TBC1D30: variants seen among roughly 807,000 people sequenced by gnomAD.
The protein encoded by TBC1D30 is TBC1 domain family, member 30.
TBC1D30 carries 31 observed loss-of-function variants against 63.2 expected under a neutral mutation model. The ratio of observed to expected loss-of-function variants is 0.49; its 90% CI spans 0.37 to 0.66. The LOEUF is 0.66. Ranked by LOEUF, TBC1D30 falls within the 30% of genes least tolerant of loss-of-function variation. The pLI is 0.00. For synonymous variants in TBC1D30, 307 were observed against 361.5 expected (o/e 0.85, Z 1.71); for missense variants, 810 against 953.6 (o/e 0.85, Z 1.98).
rs540140611 is a variant in TBC1D30, at chr12:64,797,397, C to A, written c.643+11352C>A. Among the ~76,000 whole-genome samples the A allele has an allele frequency of 2.6e-5, 4 of 152,330 alleles. No individual in the cohort carries two copies. In the East Asian group the frequency reaches 5.8e-4, roughly 22 times the overall value. On this transcript the variant is annotated intron_variant, in intron 2 of 12. Transcript: ENST00000542120. Reference sequence around the variant, plus strand: ...TCTGCTTAGAGTTTATGGTCATCAGCATAATGACTCACTTGTGTACATATT... The same window carrying A: ...TCTGCTTAGAGTTTATGGTCATCAGAATAATGACTCACTTGTGTACATATT...
chr12:64,851,446 G>C (rs1279374987), intron 8 of TBC1D30, among the ~76,000 whole-genome samples: 1 of 152,186 alleles, frequency 6.6e-6, no homozygotes, highest in African/African-American at 2.4e-5. Flanking sequence ...TGGGTCTTCT[G>C]AGTACAGCAC....
Position 64,824,737 on chromosome 12 carries a change from C to A in TBC1D30, c.-143C>A. The stretch of plus-strand genomic sequence containing the variant: ...CCCGTAAGTCCCCGTGACCCTCCAG[C>A]ACCAGCCGGCTGTGCGCTCCCTGCT... On this transcript the variant is annotated 5_prime_UTR_variant, in exon 1 of 12. Transcript: ENST00000539867. 2 of 1,202,160 alleles carry A rather than the reference C, an allele frequency of 1.7e-6. No individual in the cohort carries two copies. The highest frequency in any genetic ancestry group is 2.2e-6 in the Non-Finnish European group (2 of 890,882). The allele number at this position is 1,202,160 out of a possible 1,614,324, so 74.5% of individuals were successfully genotyped here.
Position 64,876,021 on chromosome 12 carries a change from G to A in TBC1D30, c.*233G>A. 1 of 466,702 alleles carries A rather than the reference G, an allele frequency of 2.1e-6. No individual in the cohort carries two copies. The highest frequency in any genetic ancestry group is 3.7e-6 in the Non-Finnish European group (1 of 269,184). The allele number at this position is 466,702 out of a possible 1,614,324, so 28.9% of individuals were successfully genotyped here. ...ATTCTTGTGGCAAAATAAATATTGT[G>A]GTTTTATAGTGTGAAGTTTTCCCAA... is the stretch of plus-strand genomic sequence containing the variant. On this transcript the variant is annotated 3_prime_UTR_variant, in exon 12 of 12. Transcript: ENST00000539867.
chr12:64,778,714 C>T (rs994329946), upstream of TBC1D30, among the ~76,000 whole-genome samples: 4 of 151,820 alleles, frequency 2.6e-5, no homozygotes, highest in African/African-American at 7.3e-5. Context: ...TTAGTAGTGA[C>T]GAGGTTTCAC....
intron 6 of TBC1D30, among the ~76,000 whole-genome samples, chr12:64,838,079 A>C (rs745623108): frequency 6.6e-6 from 1 of 152,200 alleles, no homozygotes; most frequent in Non-Finnish European, 1.5e-5. Flanking sequence ...AGGGAGTACT[A>C]TGTTTTTTAA....
chr12:64,765,944 C>T (rs912753681), intron 1 of TBC1D30, among the ~76,000 whole-genome samples: 2 of 152,040 alleles, frequency 1.3e-5, no homozygotes, highest in African/African-American at 4.8e-5. Context: ...CCGGGGAGGT[C>T]CAGGCTGCAG....
chr12:64,769,333 G>T (rs1870822216), intron 1 of TBC1D30, among the ~76,000 whole-genome samples: 1 of 151,658 alleles, frequency 6.6e-6, no homozygotes, highest in Non-Finnish European at 1.5e-5. Flanking sequence ...AGCCTCCTGA[G>T]TAGCTGGGAT....
chr12:64,830,788 A>G (rs562694004), intron 4 of TBC1D30, among the ~76,000 whole-genome samples: 21 of 152,380 alleles, frequency 1.4e-4, no homozygotes, highest in Non-Finnish European at 2.4e-4. Flanking sequence ...TCATGGGTCA[A>G]TGATGCCAAC....
chr12:64,848,335 T>C (rs1401117573), intron 8 of TBC1D30, among the ~76,000 whole-genome samples: 4 of 152,042 alleles, frequency 2.6e-5, no homozygotes, highest in African/African-American at 4.8e-5. Context: ...GCAGGTTTGT[T>C]ACATAGGTAT....
At chr12:64,782,205 G>A (rs1432989148) in intron 1 of TBC1D30, among the ~76,000 whole-genome samples, 1 of 151,646 alleles carries the variant, frequency 6.6e-6, no homozygotes, top group Admixed American at 6.6e-5. Context: ...AACAGATGCC[G>A]AGCCACCATA....
In TBC1D30 at chr12:64,848,793, A is replaced by T. The variant is rs180999497; in HGVS notation, c.1038+5308A>T. 5.1e-4 allele frequency among the ~76,000 whole-genome samples: 78 copies of T among 152,312 alleles called. 1 individual carries two copies. The highest frequency in any genetic ancestry group is 6.8e-3 in the Middle Eastern group (2 of 294). ...ACAATCCTTTGGGTATATACCCAGT[A>T]ATGGGATTGCTGGGTCAAACGGTAT... On this transcript the variant is annotated intron_variant, in intron 8 of 11. Transcript: ENST00000539867.
At chr12:64,838,609 G>A (rs1488202007) in intron 6 of TBC1D30, 74 bp from the exon 7 acceptor site, 3 of 1,402,438 alleles carry the variant, frequency 2.1e-6, no homozygotes, top group Non-Finnish European at 2.9e-6. Flanking sequence ...GGACATGGAA[G>A]ACTAGAAAAG....
At chr12:64,770,711 T>C (rs537559618) in intron 1 of TBC1D30, among the ~76,000 whole-genome samples, 4 of 151,270 alleles carry the variant, frequency 2.6e-5, no homozygotes, top group South Asian at 2.1e-4. Flanking sequence ...TTTTCTTCTT[T>C]TTTTTTTTTT....
chr12:64,857,282 A>G (rs1242769225), intron 8 of TBC1D30, among the ~76,000 whole-genome samples: 3 of 152,118 alleles, frequency 2.0e-5, no homozygotes, highest in African/African-American at 7.2e-5. Flanking sequence ...TTCAGGGTCC[A>G]AGGACTCTTT....
At chr12:64,783,485 A>G (rs923139704) in intron 1 of TBC1D30, among the ~76,000 whole-genome samples, 3 of 152,010 alleles carry the variant, frequency 2.0e-5, no homozygotes, top group African/African-American at 7.2e-5. Context: ...ATTCCTTAGG[A>G]CACTGAGCAC....
At chr12:64,810,241 G>A (rs1402018636) in intron 2 of TBC1D30, among the ~76,000 whole-genome samples, 1 of 152,178 alleles carries the variant, frequency 6.6e-6, no homozygotes, top group Non-Finnish European at 1.5e-5. Context: ...TTCATACGTG[G>A]TCTGTGTTGG....
Position 64,850,748 on chromosome 12 carries a change from G to A in TBC1D30, c.1038+7263G>A, listed in dbSNP as rs141482768. 5.6e-3 allele frequency among the ~76,000 whole-genome samples: 850 copies of A among 152,168 alleles called. 6 individuals carry two copies. The highest frequency in any genetic ancestry group is 0.017 in the Middle Eastern group (5 of 294). ...GCCTGAAATTTTCTTTTTTTGTTGT[G>A]TCTCTGCCAGGTTTTCATATGAGGA... On this transcript the variant is annotated intron_variant, in intron 8 of 11. Coordinates refer to ENST00000539867, the MANE Select transcript of TBC1D30 (RefSeq NM_015279.2).
chr12:64,812,792 T>C (rs974251610), intron 2 of TBC1D30, among the ~76,000 whole-genome samples: 6 of 151,972 alleles, frequency 3.9e-5, no homozygotes, highest in Non-Finnish European at 8.8e-5. Flanking sequence ...GCAAAACCAG[T>C]GGCTACGGAG....
chr12:64,875,865 GTTTTAT>G lies in TBC1D30; in HGVS notation c.*80_*85del. On this transcript the variant is annotated 3_prime_UTR_variant, in exon 12 of 12. Coordinates refer to ENST00000539867, the MANE Select transcript of TBC1D30 (RefSeq NM_015279.2). ...GTTGCAGCTGAATGGCTCTAAAAGA[GTTTTAT>G]TTGTCCAGTGAAAATGAATAGGTTC... The G allele has an allele frequency of 7.3e-7, 1 of 1,372,560 alleles. No individual in the cohort carries two copies. The allele number at this position is 1,372,560 out of a possible 1,614,324, so 85.0% of individuals were successfully genotyped here. A position where few individuals can be genotyped will look rare whatever the true frequency, so the allele number is the denominator to read the frequency against.
Sources: gnomAD v4.1 joint callset for allele counts (sites outside exome capture counted in the v4.1 genomes callset) on GRCh38, gnomAD v4.1.1 for gene constraint, MANE v1.5 for transcripts, NCBI Gene and HGNC (gene_info 2026-07-23, HGNC 2026-07-21) for gene names.